The following DNAH12 variants were observed in gnomAD, a reference collection of about 807,000 sequenced individuals.
DNAH12 encodes dynein axonemal heavy chain 12, also known as axonemal beta dynein heavy chain 12.
DNAH12 carries 285 observed loss-of-function variants against 371.5 expected under a neutral mutation model. The ratio of observed to expected loss-of-function variants is 0.77; its 90% confidence interval spans 0.70 to 0.85. The LOEUF is 0.85. Ranked by LOEUF, DNAH12 falls within the 40% of genes least tolerant of loss-of-function variation. The pLI is 0.00. For missense variants in DNAH12, 3,611 were observed against 3,689.4 expected (o/e 0.98, Z 0.55); for synonymous variants, 1,200 against 1,213.0 (o/e 0.99, Z 0.22).
At chr3:57,353,918 A>C (rs1162601532) in intron 59 of DNAH12, among the ~76,000 whole-genome samples, 1 of 152,200 alleles carries the variant, frequency 6.6e-6, no homozygotes, top group African/African-American at 2.4e-5. Flanking sequence ...ACACTTATAC[A>C]CTGCTGGTGG....
intron 55 of DNAH12, among the ~76,000 whole-genome samples, chr3:57,368,714 C>T (rs2063103775): frequency 6.6e-6 from 1 of 152,136 alleles, no homozygotes; most frequent in East Asian, 1.9e-4. Flanking sequence ...GAATTACAAA[C>T]TGTGTCCAAG....
chr3:57,374,596 G>A (rs1313473444), intron 55 of DNAH12, among the ~76,000 whole-genome samples: 4 of 152,232 alleles, frequency 2.6e-5, no homozygotes, highest in Non-Finnish European at 5.9e-5. Context: ...AAGATGGGTA[G>A]CAATACCTAG....
At chr3:57,360,842 T>C (rs1373712229) in intron 58 of DNAH12, among the ~76,000 whole-genome samples, 2 of 152,100 alleles carry the variant, frequency 1.3e-5, no homozygotes, top group African/African-American at 2.4e-5. Context: ...ACATAATTCA[T>C]TGGGTGGGTC....
At chr3:57,437,628 GA>G (rs2065169695) in intron 29 of DNAH12, among the ~76,000 whole-genome samples, 1 of 152,204 alleles carries the variant, frequency 6.6e-6, no homozygotes. Context: ...GCCAAAGTAG[GA>G]AGAAACCAAT....
intron 34 of DNAH12, among the ~76,000 whole-genome samples, chr3:57,425,503 A>G (rs754414124): frequency 4.6e-5 from 7 of 152,218 alleles, no homozygotes; most frequent in African/African-American, 1.7e-4. Context: ...TTCTGGACTC[A>G]GGCAGTCCTC....
At chr3:57,365,127 G>A (rs1220381168) in intron 57 of DNAH12, among the ~76,000 whole-genome samples, 1 of 152,106 alleles carries the variant, frequency 6.6e-6, no homozygotes, top group Non-Finnish European at 1.5e-5. Flanking sequence ...CAAAGGAATA[G>A]AAATCATTCT....
At chr3:57,492,428 C>A (rs2067159914) in intron 11 of DNAH12, among the ~76,000 whole-genome samples, 1 of 151,878 alleles carries the variant, frequency 6.6e-6, no homozygotes. Flanking sequence ...CCATTGCACT[C>A]CAGCCTGGGC....
At chr3:57,481,923 A>G (rs1257664198) in intron 13 of DNAH12, among the ~76,000 whole-genome samples, 1 of 152,210 alleles carries the variant, frequency 6.6e-6, no homozygotes, top group African/African-American at 2.4e-5. Context: ...AACTAATTCA[A>G]GATGGATTAA....
In DNAH12 at chr3:57,446,334, A is replaced by G. The variant is rs575397186; in HGVS notation, c.3940-64T>C. 2.4e-5 allele frequency: 36 copies of G among 1,492,042 alleles called. No individual in the cohort carries two copies. The South Asian group carries it at 3.5e-4, about 14-fold the overall frequency. The allele number at this position is 1,492,042 out of a possible 1,614,324, so 92.4% of individuals were successfully genotyped here. On this transcript the variant is annotated intron_variant, in intron 26 of 73. Coordinates refer to ENST00000495027, the MANE Select transcript of DNAH12 (RefSeq NM_001366028.2). ...GAAAGGATATCATCTCTTAAAACAA[A>G]TACCTAATATTTTAAGTCAGAATTG...
intron 34 of DNAH12, 78 bp downstream of exon 34, chr3:57,428,555 C>A: frequency 6.6e-7 from 1 of 1,512,404 alleles, no homozygotes; most frequent in South Asian, 1.3e-5. Flanking sequence ...TTCATTCTAC[C>A]AACCACTGTG....
At chr3:57,320,928 C>T (rs2061790908) in intron 65 of DNAH12, among the ~76,000 whole-genome samples, 1 of 152,166 alleles carries the variant, frequency 6.6e-6, no homozygotes, top group Non-Finnish European at 1.5e-5. Flanking sequence ...CACTGTTCAT[C>T]ACAAAAATGA....
In DNAH12 at chr3:57,428,739, T is replaced by C; in HGVS notation, c.5147A>G (p.Asn1716Ser). 1 of 1,551,554 alleles carries C rather than the reference T, an allele frequency of 6.4e-7. No homozygotes were observed. Among genetic ancestry groups the C allele is most frequent in the Non-Finnish European group, 8.7e-7 (1 of 1,146,922 alleles). ...GWEPLVSSWL[N>S]SLKGPLCEPE... ...TTCACACAGAGGTCCTTTCAGTGAA[T>C]TCAACCAAGAAGACACAAGTGGTTC... The change falls in exon 34 of 74, where the codon AAT becomes AGT. Residue 1716 changes from asparagine (N) to serine (S), a missense_variant. Physicochemically the swap from Asn to Ser is conservative, Grantham distance 46. Coordinates refer to ENST00000495027, the MANE Select transcript of DNAH12 (RefSeq NM_001366028.2).
At position 57,437,042 on chromosome 3, in the gene DNAH12, G is replaced by A. The variant is rs1019517381; in HGVS notation, c.4564C>T (p.His1522Tyr). ...ADYHEFLECA[H>Y]EACNVHNLQP... ...AGATTATGTACATTGCAGGCTTCAT[G>A]AGCACATTCCAAAAATTCCTGAAAT... The change falls in exon 30 of 74, where the codon CAT becomes TAT. Residue 1522 changes from histidine to tyrosine, a missense_variant. Physicochemically the swap from His to Tyr is moderately conservative, Grantham distance 83 (BLOSUM62 2). Coordinates refer to ENST00000495027, the MANE Select transcript of DNAH12 (RefSeq NM_001366028.2). 23 of 1,517,236 alleles carry A rather than the reference G, an allele frequency of 1.5e-5. No individual in the cohort carries two copies. In the Admixed American group the frequency reaches 4.6e-4, roughly 30 times the overall value. The allele number at this position is 1,517,236 out of a possible 1,614,324, so 94.0% of individuals were successfully genotyped here. A position where few individuals can be genotyped will look rare whatever the true frequency, so the allele number is the denominator to read the frequency against.
At chr3:57,379,998 A>T (rs2063355999) in intron 51 of DNAH12, among the ~76,000 whole-genome samples, 1 of 151,980 alleles carries the variant, frequency 6.6e-6, no homozygotes, top group Non-Finnish European at 1.5e-5. Flanking sequence ...AGATTTCTTA[A>T]TAATTAATTT....
intron 12 of DNAH12, among the ~76,000 whole-genome samples, chr3:57,485,646 G>A (rs2066900513): frequency 6.6e-6 from 1 of 151,960 alleles, no homozygotes; most frequent in Non-Finnish European, 1.5e-5. Context: ...TGATCCACCT[G>A]CTTCAGCCTC....
chr3:57,529,079 C>T (rs867493829), intron 2 of DNAH12, among the ~76,000 whole-genome samples: 13 of 152,082 alleles, frequency 8.5e-5, no homozygotes, highest in South Asian at 4.1e-4. Context: ...GGATTACAGG[C>T]GTGAGCCATC....
chr3:57,393,081 G>C (rs899507222), intron 44 of DNAH12, among the ~76,000 whole-genome samples: 1 of 152,156 alleles, frequency 6.6e-6, no homozygotes, highest in Non-Finnish European at 1.5e-5. Flanking sequence ...AGCTGTGTAA[G>C]TGCCTGACAC....
At chr3:57,446,710 G>A in intron 25 of DNAH12, 21 bp from the exon 26 acceptor site, 1 of 1,469,636 alleles carries the variant, frequency 6.8e-7, no homozygotes, top group Non-Finnish European at 9.1e-7. Context: ...AAACACATGT[G>A]AAAAGAAATC....
Position 57,453,405 on chromosome 3 carries a change from T to TA in DNAH12, c.3457-3dup. ...TTCCTTATAATACTTCTTTAATCCC[T>TA]ACAAAATAAAAAAAAAAGCAATCTA... On this transcript the variant is annotated splice_polypyrimidine_tract_variant and splice_region_variant and intron_variant, in intron 23 of 73. Transcript: ENST00000495027. 1 of 1,517,282 alleles carries TA rather than the reference T, an allele frequency of 6.6e-7. No individual in the cohort carries two copies. The highest frequency in any genetic ancestry group is 2.5e-5 in the Admixed American group (1 of 40,702). The allele number at this position is 1,517,282 out of a possible 1,614,324, so 94.0% of individuals were successfully genotyped here.
Sources: allele counts gnomAD v4.1 joint callset (sites outside exome capture counted in the v4.1 genomes callset), GRCh38; gene constraint gnomAD v4.1.1; transcripts MANE v1.5; gene names NCBI Gene and HGNC (gene_info 2026-07-23, HGNC 2026-07-21).